The following ADH1B variants were observed in gnomAD, a reference collection of about 807,000 sequenced individuals.
ADH1B encodes the protein alcohol dehydrogenase 1B (class I), beta polypeptide, also known as all-trans-retinol dehydrogenase [NAD(+)] ADH1B.
ADH1B carries 29 observed loss-of-function variants against 34.6 expected under a neutral mutation model. That is an observed-to-expected ratio of 0.84 (90% confidence interval 0.62 to 1.14). ADH1B has a LOEUF of 1.14. Ranked by LOEUF, ADH1B falls within the 50% of genes most tolerant of loss-of-function variation. The probability of loss-of-function intolerance (pLI) is 0.00; values close to 1 mark genes in which losing one functional copy is unlikely to be tolerated. For missense variants in ADH1B, 424 were observed against 468.4 expected (o/e 0.91, Z 0.87); for synonymous variants, 170 against 175.5 (o/e 0.97, Z 0.25).
rs1383879642 is a variant in ADH1B, at chr4:99,305,561, G to GTGTATA, written c.*2278_*2279insTATACA. Reference sequence around the variant, plus strand: ...CTATATGAACCACTTGCCCCATAGTGTATATATATATATATATATATATAT... The same window carrying GTGTATA: ...CTATATGAACCACTTGCCCCATAGTGTGTATATATATATATATATATATATATATAT... On this transcript the variant is annotated 3_prime_UTR_variant, in exon 9 of 9. Transcript: ENST00000305046. 1 of 49,404 alleles carries GTGTATA rather than the reference G, an allele frequency of 2.0e-5. No individual in the cohort carries two copies. Among genetic ancestry groups the GTGTATA allele is most frequent in the African/African-American group, 9.2e-5 (1 of 10,836 alleles). The allele number at this position is 49,404 out of a possible 1,614,324, so 3.1% of individuals were successfully genotyped here.
chr4:99,319,153 C>T, intron 1 of ADH1B: 1 of 509,794 alleles, frequency 2.0e-6, no homozygotes, highest in Admixed American at 3.2e-5. Context: ...TGTTTTTTCT[C>T]TGAAGGTGTT....
intron 1 of ADH1B, chr4:99,321,010 T>C (rs1320537795): frequency 1.2e-6 from 1 of 833,688 alleles, no homozygotes; most frequent in African/African-American, 1.8e-5. Flanking sequence ...TTTCTAACTT[T>C]AGATTTACAA....
At position 99,306,799 on chromosome 4, in the gene ADH1B, A is replaced by G. The variant is rs1257425441; in HGVS notation, c.*1041T>C. 4 of 152,216 alleles carry G rather than the reference A, an allele frequency of 2.6e-5. No individual in the cohort carries two copies. Among genetic ancestry groups the G allele is most frequent in the Non-Finnish European group, 5.9e-5 (4 of 68,044 alleles). The allele number at this position is 152,216 out of a possible 1,614,324, so 9.4% of individuals were successfully genotyped here. A position where few individuals can be genotyped will look rare whatever the true frequency, so the allele number is the denominator to read the frequency against. On this transcript the variant is annotated 3_prime_UTR_variant, in exon 9 of 9. Transcript: ENST00000305046. ...TTTTAAGACATGGTAGTTAATAGAA[A>G]AGTTCTAGATTGAAAACAATTTTGC...
Position 99,310,528 on chromosome 4 carries a change from T to C in ADH1B, c.1103+237A>G, listed in dbSNP as rs185179231. On this transcript the variant is annotated intron_variant, in intron 8 of 8. Transcript: ENST00000305046. ...TCTTTTCAGGAAGGCTGAGTGGCTC[T>C]GATCATTCAGATTTGCAGTAATCAA... 2.8e-3 allele frequency among the ~76,000 whole-genome samples: 424 copies of C among 152,290 alleles called. 1 individual carries two copies. Among genetic ancestry groups the C allele is most frequent in the Non-Finnish European group, 4.6e-3 (310 of 68,014 alleles).
At chr4:99,314,165 T>G in intron 5 of ADH1B, 84 bp from the exon 6 acceptor site, 1 of 1,554,628 alleles carries the variant, frequency 6.4e-7, no homozygotes, top group Non-Finnish European at 8.7e-7. Flanking sequence ...TGCGTAGGTG[T>G]TTATCAAGAA....
chr4:99,311,164 C>T (rs1375030550), intron 7 of ADH1B, among the ~76,000 whole-genome samples: 2 of 152,100 alleles, frequency 1.3e-5, no homozygotes, highest in Non-Finnish European at 1.5e-5. Flanking sequence ...GGTAGAGGAG[C>T]AAATTTATCA....
In ADH1B at chr4:99,305,523, T is replaced by TATATATATAC. The variant is rs1334932129; in HGVS notation, c.*2316_*2317insGTATATATAT. 9.7e-6 allele frequency: 1 copy of TATATATATAC among 102,888 alleles called. No homozygotes were observed. The highest frequency in any genetic ancestry group is 4.3e-5 in the African/African-American group (1 of 23,328). The allele number at this position is 102,888 out of a possible 1,614,324, so 6.4% of individuals were successfully genotyped here. The stretch of plus-strand genomic sequence containing the variant: ...ATACATATATATATATATATATATA[T>TATATATATAC]ACAATCACTTAACTATATGAACCAC... On this transcript the variant is annotated 3_prime_UTR_variant, in exon 9 of 9. Coordinates refer to ENST00000305046, the MANE Select transcript of ADH1B (RefSeq NM_000668.6).
chr4:99,318,010 T>G (rs199543063), intron 3 of ADH1B, 36 bp downstream of exon 3: 72 of 1,608,620 alleles, frequency 4.5e-5, no homozygotes, highest in Middle Eastern at 1.7e-4. Context: ...TCCTGGATGG[T>G]GAACCACACG....
chr4:99,312,321 A>C (rs547597266), intron 6 of ADH1B, among the ~76,000 whole-genome samples: 2 of 152,212 alleles, frequency 1.3e-5, no homozygotes, highest in Non-Finnish European at 2.9e-5. Context: ...CCAGTTCCAC[A>C]TGAGAAAATG....
chr4:99,312,256 A>G (rs976886720), intron 6 of ADH1B, among the ~76,000 whole-genome samples: 8 of 152,228 alleles, frequency 5.3e-5, no homozygotes, highest in Admixed American at 5.2e-4. Context: ...GGGAGACCAG[A>G]CATCCTCAGA....
chr4:99,317,916 A>C (rs1243638013), intron 3 of ADH1B, 130 bp downstream of exon 3: 16 of 1,468,802 alleles, frequency 1.1e-5, no homozygotes, highest in Non-Finnish European at 1.4e-5. Flanking sequence ...GAAAGAGGAA[A>C]CTCCTGAAGT....
intron 1 of ADH1B, 46 bp downstream of exon 1, chr4:99,321,268 A>T (rs1734019638): frequency 3.3e-6 from 5 of 1,507,146 alleles, no homozygotes; most frequent in Non-Finnish European, 1.8e-6. Flanking sequence ...TTTCTTTGTT[A>T]TATTGATGAG....
chr4:99,311,582 G>A lies in ADH1B; in HGVS notation c.903C>T (p.Asn301=). The A allele has an allele frequency of 6.2e-7, 1 of 1,614,064 alleles. No individual in the cohort carries two copies. The highest frequency in any genetic ancestry group is 8.5e-7 in the Non-Finnish European group (1 of 1,179,974). The part of the protein sequence containing the change: ...VIVGVPPASQ[N]LSINPMLLLT... ...GTAGCAGCATAGGGTTTATTGAGAG[G>A]TTCTGGGAAGCAGGAGGTACCCCTA... is the stretch of plus-strand genomic sequence containing the variant. Residue 301 remains asparagine (N), a synonymous_variant, in exon 7 of 9, where the codon AAC becomes AAT. Coordinates refer to ENST00000305046, the MANE Select transcript of ADH1B (RefSeq NM_000668.6).
chr4:99,320,963 G>C (rs1356888962), intron 1 of ADH1B: 6 of 1,179,022 alleles, frequency 5.1e-6, no homozygotes, highest in African/African-American at 1.6e-5. Flanking sequence ...TTTGAATTAT[G>C]GTTTCTTATT....
In ADH1B at chr4:99,321,327, C is replaced by A; in HGVS notation, c.5G>T (p.Ser2Ile). The part of the protein sequence containing the change: M[S>I]TAGKVIKCKA... ...TTTTTTGCTTACTTTTCCTGCTGTG[C>A]TCATGTCGTTTCTGTCTTCTCTGCC... The change falls in exon 1 of 9, where the codon AGC becomes ATC. Residue 2 changes from serine (S) to isoleucine (I), a missense_variant. Ser to Ile is a moderately radical substitution (Grantham distance 142, BLOSUM62 -2). This residue lies in a region of ADH1B where 291 missense variants were observed against 300.4 expected (regional missense o/e 0.97). Transcript: ENST00000305046. 6.2e-7 allele frequency: 1 copy of A among 1,611,492 alleles called. No homozygotes were observed. Among genetic ancestry groups the A allele is most frequent in the East Asian group, 2.2e-5 (1 of 44,690 alleles).
Position 99,311,042 on chromosome 4 carries a change from T to G in ADH1B, c.965-139A>C, listed in dbSNP as rs1321756768. 3.0e-6 allele frequency: 3 copies of G among 1,012,906 alleles called. No homozygotes were observed. In the African/African-American group the frequency reaches 4.9e-5, roughly 17 times the overall value. The allele number at this position is 1,012,906 out of a possible 1,614,324, so 62.7% of individuals were successfully genotyped here. A position where few individuals can be genotyped will look rare whatever the true frequency, so the allele number is the denominator to read the frequency against. On this transcript the variant is annotated intron_variant, in intron 7 of 8. Transcript: ENST00000305046. ...TAACTGAGGATAAGAAGAGATACAG[T>G]ACTTCAATATGCTTTTACAGTGTCT...
rs1482955937 is a variant in ADH1B, at chr4:99,305,621, C to G, written c.*2219G>C. On this transcript the variant is annotated 3_prime_UTR_variant, in exon 9 of 9. Transcript: ENST00000305046. ...TATATATATATATACAATCACTTAACTATATGAACCACTTGCCCCATAGTA... is the reference window on the plus strand; with the variant it reads ...TATATATATATATACAATCACTTAAGTATATGAACCACTTGCCCCATAGTA... 8.9e-6 allele frequency: 1 copy of G among 112,862 alleles called. No homozygotes were observed. The highest frequency in any genetic ancestry group is 9.8e-5 in the Admixed American group (1 of 10,198). The allele number at this position is 112,862 out of a possible 1,614,324, so 7.0% of individuals were successfully genotyped here. A position where few individuals can be genotyped will look rare whatever the true frequency, so the allele number is the denominator to read the frequency against.
In ADH1B at chr4:99,305,362, T is replaced by C. The variant is rs1444865779; in HGVS notation, c.*2478A>G. The C allele has an allele frequency of 6.6e-6, 1 of 150,616 alleles. No individual in the cohort carries two copies. The highest frequency in any genetic ancestry group is 6.6e-5 in the Admixed American group (1 of 15,112). 9.3% of individuals were successfully genotyped at this position (150,616 alleles called of 1,614,324 possible). On this transcript the variant is annotated 3_prime_UTR_variant, in exon 9 of 9. Transcript: ENST00000305046. ...GAGAAGTCAAAGAATCAAAGCAATA[T>C]ATTCTCACAGCCATGCACATTTTCT...
rs750889454 is a variant in ADH1B at position 99,306,868 on chromosome 4, T to C, written c.*972A>G. 1 of 152,230 alleles carries C rather than the reference T, an allele frequency of 6.6e-6. No homozygotes were observed. Among genetic ancestry groups the C allele is most frequent in the Non-Finnish European group, 1.5e-5 (1 of 68,038 alleles). The allele number at this position is 152,230 out of a possible 1,614,324, so 9.4% of individuals were successfully genotyped here. Reference sequence around the variant, plus strand: ...ATGTGTATATATGTATGTGTATATATATATCTACTAGGAAAATATATTGCT... The same window carrying C: ...ATGTGTATATATGTATGTGTATATACATATCTACTAGGAAAATATATTGCT... On this transcript the variant is annotated 3_prime_UTR_variant, in exon 9 of 9. Coordinates refer to ENST00000305046, the MANE Select transcript of ADH1B (RefSeq NM_000668.6).
Sources: allele counts gnomAD v4.1 joint callset (sites outside exome capture counted in the v4.1 genomes callset), GRCh38; gene constraint gnomAD v4.1.1; regional missense constraint gnomAD v4.1.1; transcripts MANE v1.5; gene names NCBI Gene and HGNC (gene_info 2026-07-23, HGNC 2026-07-21).